PGR: variants seen among roughly 807,000 people sequenced by gnomAD.
The protein encoded by PGR is nuclear receptor subfamily 3 group C member 3.
PGR carries 25 observed loss-of-function variants against 76.1 expected under a neutral mutation model. The observed-to-expected ratio is 0.33, with a 90% CI of 0.24 to 0.46. PGR has a LOEUF of 0.46. PGR is among the 20% of genes least tolerant of loss of function. The pLI is 1.00. For missense variants in PGR, 1,172 were observed against 1,225.3 expected (o/e 0.96, Z 0.65); for synonymous variants, 579 against 535.0 (o/e 1.08, Z -1.14).
intron 2 of PGR, among the ~76,000 whole-genome samples, chr11:101,116,350 G>A (rs956259883): frequency 1.3e-5 from 2 of 152,194 alleles, no homozygotes; most frequent in Non-Finnish European, 2.9e-5. Flanking sequence ...GACACCATTA[G>A]GGCAGCAGAG....
chr11:101,062,578 A>G lies in PGR; in HGVS notation c.2081T>C (p.Ile694Thr). ...IPPLINLLMS[I>T]EPDVIYAGHD... Reference sequence around the variant, plus strand: ...TCCTGCATAGATCACATCTGGTTCAATGCTCATTAACAGGTTGATCAGTGG... The same window carrying G: ...TCCTGCATAGATCACATCTGGTTCAGTGCTCATTAACAGGTTGATCAGTGG... The change falls in exon 4 of 8, where the codon ATT becomes ACT. Residue 694 changes from isoleucine to threonine, a missense_variant. By Grantham distance (89) the Ile-to-Thr change is moderately conservative (BLOSUM62 -1). Coordinates refer to ENST00000325455, the MANE Select transcript of PGR (RefSeq NM_000926.4). The G allele has an allele frequency of 6.2e-7, 1 of 1,614,060 alleles. No homozygotes were observed. Among genetic ancestry groups the G allele is most frequent in the Non-Finnish European group, 8.5e-7 (1 of 1,179,964 alleles).
At position 101,062,702 on chromosome 11, in the gene PGR, C is replaced by T; in HGVS notation, c.1957G>A (p.Ala653Thr). The T allele has an allele frequency of 1.2e-6, 2 of 1,613,786 alleles. No homozygotes were observed. The highest frequency in any genetic ancestry group is 2.2e-5 in the East Asian group (1 of 44,860). ...CCCACTGGCTGTGGGAGAGCAACAG[C>T]ATCCAGTGCTCTCACAACTCTGACT... Reference protein sequence around the residue: ...NKVRVVRALDAVALPQPVGVP... With the variant: ...NKVRVVRALDTVALPQPVGVP... Residue 653 changes from alanine (A) to threonine (T), a missense_variant, in exon 4 of 8, where the codon GCT becomes ACT. By Grantham distance (58) the Ala-to-Thr change is moderately conservative. Transcript: ENST00000325455.
rs1859410024 is a variant in PGR, at chr11:101,033,380, G to A, written c.*5736C>T. ...TTTGGTTATTCTCATGAATTTTAAA[G>A]CCCTTAGAAAAAGATAACTTAATTG... On this transcript the variant is annotated 3_prime_UTR_variant, in exon 8 of 8. Coordinates refer to ENST00000325455, the MANE Select transcript of PGR (RefSeq NM_000926.4). 5.1e-6 allele frequency: 1 copy of A among 195,630 alleles called. No homozygotes were observed. The highest frequency in any genetic ancestry group is 6.1e-5 in the Admixed American group (1 of 16,440). 12.1% of individuals were successfully genotyped at this position (195,630 alleles called of 1,614,324 possible). A position where few individuals can be genotyped will look rare whatever the true frequency, so the allele number is the denominator to read the frequency against.
At chr11:101,084,997 C>A (rs2135446204) in intron 3 of PGR, among the ~76,000 whole-genome samples, 1 of 152,260 alleles carries the variant, frequency 6.6e-6, no homozygotes, top group Non-Finnish European at 1.5e-5. Flanking sequence ...AGCCACACAA[C>A]AATAGTGGGG....
intron 3 of PGR, among the ~76,000 whole-genome samples, chr11:101,078,108 A>C (rs1861183092): frequency 6.6e-6 from 1 of 152,204 alleles, no homozygotes; most frequent in South Asian, 2.1e-4. Context: ...CAAAAAAACA[A>C]CAAAAATCTT....
rs979077080 is a variant in PGR at position 101,128,579 on chromosome 11, G to C, written c.492C>G (p.Leu164=). 3.8e-6 allele frequency: 6 copies of C among 1,596,578 alleles called. No homozygotes were observed. The highest frequency in any genetic ancestry group is 1.3e-5 in the African/African-American group (1 of 74,894). The part of the protein sequence containing the change: ...APATQRVLSP[L]MSRSGCKVGD... Reference sequence around the variant, plus strand: ...CAACCTTGCACCCGGACCGGCTCATGAGCGGGGACAACACCCGCTGGGTGG... The same window carrying C: ...CAACCTTGCACCCGGACCGGCTCATCAGCGGGGACAACACCCGCTGGGTGG... Residue 164 remains leucine (L), a synonymous_variant, in exon 1 of 8, where the codon CTC becomes CTG. Transcript: ENST00000325455.
At position 101,128,603 on chromosome 11, in the gene PGR, G is replaced by A; in HGVS notation, c.468C>T (p.Ala156=). 1 of 1,591,536 alleles carries A rather than the reference G, an allele frequency of 6.3e-7. No homozygotes were observed. The highest frequency in any genetic ancestry group is 8.5e-7 in the Non-Finnish European group (1 of 1,171,504). ...ELPEDPPAAP[A]TQRVLSPLMS... is the part of the protein sequence containing the mutation. ...TGAGCGGGGACAACACCCGCTGGGT[G>A]GCGGGGGCAGCCGGTGGATCTTCGG... is the stretch of plus-strand genomic sequence containing the variant. Residue 156 remains alanine, a synonymous_variant, in exon 1 of 8, where the codon GCC becomes GCT. Coordinates refer to ENST00000325455, the MANE Select transcript of PGR (RefSeq NM_000926.4).
Position 101,034,565 on chromosome 11 carries a change from T to G in PGR, c.*4551A>C. 5.7e-6 allele frequency: 1 copy of G among 176,388 alleles called. No homozygotes were observed. The highest frequency in any genetic ancestry group is 9.8e-5 in the East Asian group (1 of 10,194). The allele number at this position is 176,388 out of a possible 1,614,324, so 10.9% of individuals were successfully genotyped here. A position where few individuals can be genotyped will look rare whatever the true frequency, so the allele number is the denominator to read the frequency against. ...GGGTGGACAAATTATTGAAGAAAACTGTTCTTTCCTGCTTCTTTTCAGCTT... is the reference window on the plus strand; with the variant it reads ...GGGTGGACAAATTATTGAAGAAAACGGTTCTTTCCTGCTTCTTTTCAGCTT... On this transcript the variant is annotated 3_prime_UTR_variant, in exon 8 of 8. Coordinates refer to ENST00000325455, the MANE Select transcript of PGR (RefSeq NM_000926.4).
At chr11:101,087,101 A>C (rs1259821408) in intron 3 of PGR, among the ~76,000 whole-genome samples, 1 of 152,202 alleles carries the variant, frequency 6.6e-6, no homozygotes, top group East Asian at 1.9e-4. Flanking sequence ...AATTTATATA[A>C]AATCAAAAGA....
At chr11:101,078,358 T>G (rs1412949169) in intron 3 of PGR, among the ~76,000 whole-genome samples, 3 of 152,242 alleles carry the variant, frequency 2.0e-5, no homozygotes, top group African/African-American at 7.2e-5. Context: ...ATTCATTTAA[T>G]CATTCTTTTA....
chr11:101,096,303 T>G (rs938165748), intron 2 of PGR, among the ~76,000 whole-genome samples: 1 of 152,346 alleles, frequency 6.6e-6, no homozygotes, highest in East Asian at 1.9e-4. Flanking sequence ...CAATTCACTC[T>G]AACTTTTCAT....
intron 3 of PGR, among the ~76,000 whole-genome samples, chr11:101,089,662 T>TG (rs931254488): frequency 3.0e-5 from 4 of 132,192 alleles, no homozygotes; most frequent in African/African-American, 1.2e-4. Context: ...AGGGATGGGG[T>TG]GCAAATTAGA....
chr11:101,059,842 C>CACAAAAAAAA (rs1860420379), intron 4 of PGR, among the ~76,000 whole-genome samples: 1 of 62,808 alleles, frequency 1.6e-5, no homozygotes, highest in Non-Finnish European at 3.2e-5. Flanking sequence ...GACCCTCTCT[C>CACAAAAAAAA]AAAAAAAAAA....
rs1217189941 is a variant in PGR at position 101,128,329 on chromosome 11, C to T, written c.742G>A (p.Ala248Thr). 6.3e-7 allele frequency: 1 copy of T among 1,597,132 alleles called. No homozygotes were observed. The highest frequency in any genetic ancestry group is 1.3e-5 in the African/African-American group (1 of 74,934). Residue 248 changes from alanine (A) to threonine (T), a missense_variant, in exon 1 of 8, where the codon GCG (alanine) becomes ACG (threonine). By Grantham distance (58) the Ala-to-Thr change is moderately conservative. This residue lies in a region of PGR where 893 missense variants were observed against 785.9 expected (regional missense o/e 1.14). Transcript: ENST00000325455. ...ACAGCCGCGGCTCCTCCTCCAGCCGCCGCGCCACCCAGAGCCCGAGGTTTG... is the reference window on the plus strand; with the variant it reads ...ACAGCCGCGGCTCCTCCTCCAGCCGTCGCGCCACCCAGAGCCCGAGGTTTG... ...KGKPRALGGAAAGGGAAAVPP... is the reference protein window; with the variant it reads ...KGKPRALGGATAGGGAAAVPP...
chr11:101,122,579 G>A (rs1360256962), intron 2 of PGR, among the ~76,000 whole-genome samples: 1 of 152,192 alleles, frequency 6.6e-6, no homozygotes, highest in Non-Finnish European at 1.5e-5. Context: ...AAACCTACAA[G>A]TCTTGGTAAA....
At position 101,128,292 on chromosome 11, in the gene PGR, G is replaced by A. The variant is rs756847705; in HGVS notation, c.779C>T (p.Ala260Val). 6.3e-7 allele frequency: 1 copy of A among 1,591,316 alleles called. No homozygotes were observed. Among genetic ancestry groups the A allele is most frequent in the Admixed American group, 1.7e-5 (1 of 58,910 alleles). Reference protein sequence around the residue: ...GGGAAAVPPGAAAGGVALVPK... With the variant: ...GGGAAAVPPGVAAGGVALVPK... ...GACCAGGGCGACGCCTCCTGCTGCC[G>A]CCCCCGGCGGGACAGCCGCGGCTCC... The change falls in exon 1 of 8, where the codon GCG becomes GTG. Residue 260 changes from alanine (A) to valine (V), a missense_variant. This residue lies in a region of PGR where 893 missense variants were observed against 785.9 expected (regional missense o/e 1.14). Coordinates refer to ENST00000325455, the MANE Select transcript of PGR (RefSeq NM_000926.4).
intron 3 of PGR, among the ~76,000 whole-genome samples, chr11:101,090,112 C>T (rs961555238): frequency 1.3e-5 from 2 of 151,946 alleles, no homozygotes; most frequent in Non-Finnish European, 2.9e-5. Flanking sequence ...GCAGGAGAAT[C>T]GCTGGAACCT....
At chr11:101,078,205 G>T (rs1182612156) in intron 3 of PGR, among the ~76,000 whole-genome samples, 1 of 152,016 alleles carries the variant, frequency 6.6e-6, no homozygotes, top group Non-Finnish European at 1.5e-5. Context: ...GGAGGTAGGG[G>T]GAGAAGGAGA....
chr11:101,052,165 C>T (rs1860112901), intron 4 of PGR, among the ~76,000 whole-genome samples: 1 of 152,036 alleles, frequency 6.6e-6, no homozygotes, highest in Non-Finnish European at 1.5e-5. Flanking sequence ...TTTAACAACC[C>T]TTAACTATGT....
Sources: gnomAD v4.1 joint callset for allele counts (sites outside exome capture counted in the v4.1 genomes callset) on GRCh38, gnomAD v4.1.1 for gene constraint, gnomAD v4.1.1 regional missense constraint, MANE v1.5 for transcripts, NCBI Gene and HGNC (gene_info 2026-07-23, HGNC 2026-07-21) for gene names.